The following C9 variants were observed in gnomAD, a reference collection of about 807,000 sequenced individuals.
The protein encoded by C9 is complement component C9.
Under a neutral mutation model 65.4 loss-of-function variants are expected in C9, and 63 were observed. That is an observed-to-expected ratio of 0.96 (90% CI 0.79 to 1.19). C9 has a LOEUF of 1.19. Ranked by LOEUF, C9 falls within the 50% of genes most tolerant of loss-of-function variation. The probability of loss-of-function intolerance (pLI) is 0.00; values close to 1 mark genes in which losing one functional copy is unlikely to be tolerated. For missense variants in C9, 744 were observed against 670.1 expected, an observed-to-expected ratio of 1.11 and a Z score of -1.22; for synonymous variants, 229 against 227.9, an observed-to-expected ratio of 1.00 and a Z score of -0.04.
At chr5:39,288,972 T>A in intron 9 of C9, 21 bp from the exon 10 acceptor site, 2 of 1,295,860 alleles carry the variant, frequency 1.5e-6, no homozygotes, top group Non-Finnish European at 1.1e-6. Flanking sequence ...GCAAAACATT[T>A]AATTTTAGGT....
At chr5:39,352,095 A>G (rs181770267) in intron 1 of C9, among the ~76,000 whole-genome samples, 41 of 152,290 alleles carry the variant, frequency 2.7e-4, no homozygotes, top group Admixed American at 9.2e-4. Flanking sequence ...AGGGGAAGCA[A>G]GCACATCTTC....
rs1752962124 is a variant in C9 at position 39,284,868 on chromosome 5, T to C, written c.*331A>G. 6.0e-6 allele frequency: 2 copies of C among 333,852 alleles called. No individual in the cohort carries two copies. The highest frequency in any genetic ancestry group is 1.1e-5 in the Non-Finnish European group (2 of 180,546). 20.7% of individuals were successfully genotyped at this position (333,852 alleles called of 1,614,324 possible). A position where few individuals can be genotyped will look rare whatever the true frequency, so the allele number is the denominator to read the frequency against. ...TTAACCATACAAAGCCGTTTGAAAA[T>C]TACTTTGAAGTTTTTTAAACCAACA... is the stretch of plus-strand genomic sequence containing the variant. On this transcript the variant is annotated 3_prime_UTR_variant, in exon 11 of 11. Coordinates refer to ENST00000263408, the MANE Select transcript of C9 (RefSeq NM_001737.5).
At chr5:39,312,475 G>C (rs1396423469) in intron 6 of C9, among the ~76,000 whole-genome samples, 1 of 152,140 alleles carries the variant, frequency 6.6e-6, no homozygotes, top group Non-Finnish European at 1.5e-5. Flanking sequence ...CTAGATCTCA[G>C]GTCTCCTTGT....
intron 10 of C9, among the ~76,000 whole-genome samples, chr5:39,288,012 T>A (rs145985477): frequency 1.3e-5 from 2 of 151,944 alleles, no homozygotes; most frequent in African/African-American, 4.8e-5. Context: ...TGTTTCCTTA[T>A]GATTAACTTA....
In C9 at chr5:39,284,906, TTTAA is replaced by T; in HGVS notation, c.*289_*292del. On this transcript the variant is annotated 3_prime_UTR_variant, in exon 11 of 11. Transcript: ENST00000263408. Reference sequence around the variant, plus strand: ...TTTTAAACCAACATTCTGTTTTTAATTTAATTTTGTTTTTTTTTAGAAGAGATTG... The same window carrying T: ...TTTTAAACCAACATTCTGTTTTTAATTTTTGTTTTTTTTTAGAAGAGATTG... The T allele has an allele frequency of 2.5e-6, 1 of 402,914 alleles. No individual in the cohort carries two copies. The allele number at this position is 402,914 out of a possible 1,614,324, so 25.0% of individuals were successfully genotyped here.
In C9 at chr5:39,341,671, T is replaced by G. The variant is rs1754087237; in HGVS notation, c.213A>C (p.Gly71=). The change falls in exon 3 of 11, where the codon GGA becomes GGC. Residue 71 remains glycine (G), a synonymous_variant. Transcript: ENST00000263408. ...MFRSRSIEVF[G]QFNGKRCTDA... Reference sequence around the variant, plus strand: ...CGGTGCATCTTTTCCCATTAAATTGTCCAAAGACCTCAATGCTTCTTGAAC... The same window carrying G: ...CGGTGCATCTTTTCCCATTAAATTGGCCAAAGACCTCAATGCTTCTTGAAC... The G allele has an allele frequency of 1.9e-6, 3 of 1,613,922 alleles. No individual in the cohort carries two copies. Among genetic ancestry groups the G allele is most frequent in the Admixed American group, 3.3e-5 (2 of 60,012 alleles).
chr5:39,293,246 C>T (rs778352772), intron 9 of C9, among the ~76,000 whole-genome samples: 1 of 151,886 alleles, frequency 6.6e-6, no homozygotes, highest in Non-Finnish European at 1.5e-5. Context: ...ATTAAATTCC[C>T]CATTTAAGAG....
At chr5:39,297,939 A>G (rs1328254354) in intron 9 of C9, among the ~76,000 whole-genome samples, 1 of 151,846 alleles carries the variant, frequency 6.6e-6, no homozygotes, top group Non-Finnish European at 1.5e-5. Flanking sequence ...AAAATACTCA[A>G]TATATTGAGA....
Position 39,329,455 on chromosome 5 carries a change from G to A in C9, c.615+2221C>T, listed in dbSNP as rs1579862123. ...AGAAACTGAGGCACAATGATGATAAGTAATTTGCCTGAGATTTTACAGCAC... is the reference window on the plus strand; with the variant it reads ...AGAAACTGAGGCACAATGATGATAAATAATTTGCCTGAGATTTTACAGCAC... On this transcript the variant is annotated intron_variant, in intron 5 of 10. Coordinates refer to ENST00000263408, the MANE Select transcript of C9 (RefSeq NM_001737.5). Among the ~76,000 whole-genome samples, 3 of 152,266 alleles carry A rather than the reference G, an allele frequency of 2.0e-5. No individual in the cohort carries two copies. The South Asian group carries it at 6.2e-4, about 32-fold the overall frequency.
intron 9 of C9, among the ~76,000 whole-genome samples, chr5:39,303,495 A>AT (rs1343591606): frequency 6.7e-6 from 1 of 149,818 alleles, no homozygotes; most frequent in African/African-American, 2.4e-5. Flanking sequence ...GTATTTATAG[A>AT]TTTTATAAAC....
chr5:39,333,223 C>T (rs1013169579), intron 4 of C9, among the ~76,000 whole-genome samples: 1 of 152,112 alleles, frequency 6.6e-6, no homozygotes, highest in Admixed American at 6.5e-5. Context: ...CCCATCTCTG[C>T]ATGTACACCC....
intron 9 of C9, among the ~76,000 whole-genome samples, chr5:39,301,061 A>C (rs539766723): frequency 4.1e-4 from 63 of 152,268 alleles, no homozygotes; most frequent in African/African-American, 1.5e-3. Context: ...GTAGGAAACA[A>C]CTTTAATTCA....
At chr5:39,344,588 A>G (rs906231018) in intron 1 of C9, among the ~76,000 whole-genome samples, 4 of 152,204 alleles carry the variant, frequency 2.6e-5, no homozygotes, top group African/African-American at 9.6e-5. Flanking sequence ...ACCAAGTTGG[A>G]AAACACTCTG....
rs1753415190 is a variant in C9, at chr5:39,308,238, C to T, written c.1232G>A (p.Gly411Asp). ...AGTGAGGCCACACTTACCAGCTCTA[C>T]CCTCTCCCCTCTTTACACAATCATC... ...NKDDCVKRGE[G>D]RAVNITSENL... The change falls in exon 8 of 11, where the codon GGT becomes GAT. Residue 411 changes from glycine to aspartate, a missense_variant. Gly to Asp is a moderately conservative substitution (Grantham distance 94). Coordinates refer to ENST00000263408, the MANE Select transcript of C9 (RefSeq NM_001737.5). 6.2e-7 allele frequency: 1 copy of T among 1,613,058 alleles called. No homozygotes were observed. The highest frequency in any genetic ancestry group is 2.2e-5 in the East Asian group (1 of 44,846).
chr5:39,341,113 T>A, intron 4 of C9, 33 bp downstream of exon 4: 2 of 1,612,278 alleles, frequency 1.2e-6, no homozygotes, highest in South Asian at 2.2e-5. Context: ...TTTCACTCAT[T>A]TTCATCTGAA....
chr5:39,291,938 C>T (rs930667251), intron 9 of C9, among the ~76,000 whole-genome samples: 5 of 151,356 alleles, frequency 3.3e-5, no homozygotes, highest in African/African-American at 9.7e-5. Context: ...AACTAAGCAT[C>T]CAAGAGTGTG....
chr5:39,291,789 A>C (rs923891549), intron 9 of C9, among the ~76,000 whole-genome samples: 2 of 151,946 alleles, frequency 1.3e-5, no homozygotes, highest in African/African-American at 4.8e-5. Flanking sequence ...ATGATAAAAG[A>C]GATGAAAAAT....
At chr5:39,330,606 T>A (rs1396264400) in intron 5 of C9, among the ~76,000 whole-genome samples, 2 of 152,236 alleles carry the variant, frequency 1.3e-5, no homozygotes, top group Non-Finnish European at 2.9e-5. Context: ...TAATACTTTT[T>A]AAAAATAATT....
intron 1 of C9, among the ~76,000 whole-genome samples, chr5:39,362,179 T>A (rs1353963048): frequency 6.6e-6 from 1 of 152,174 alleles, no homozygotes; most frequent in Non-Finnish European, 1.5e-5. Context: ...TAACCCCAGA[T>A]AATTATTTGG....
Sources: gnomAD v4.1 joint callset for allele counts (sites outside exome capture counted in the v4.1 genomes callset) on GRCh38, gnomAD v4.1.1 for gene constraint, MANE v1.5 for transcripts, NCBI Gene and HGNC (gene_info 2026-07-23, HGNC 2026-07-21) for gene names.